The following LYPD1 variants were observed in gnomAD, a reference collection of about 807,000 sequenced individuals.
LYPD1 encodes ly6/PLAUR domain-containing protein 1.
In LYPD1, 14 loss-of-function variants were observed where a neutral mutation model predicts 14.2. The observed-to-expected ratio is 0.99, with a 90% CI of 0.65 to 1.54. The LOEUF is 1.54. Ranked by LOEUF, LYPD1 falls within the 40% of genes most tolerant of loss-of-function variation. LYPD1 has a pLI of 0.00. For synonymous variants in LYPD1, 85 were observed against 70.6 expected (o/e 1.20, Z -1.02); for missense variants, 165 against 175.7 (o/e 0.94, Z 0.34).
Position 132,645,034 on chromosome 2 carries a change from C to T in LYPD1, c.*1011G>A, listed in dbSNP as rs1131671. The T allele has an allele frequency of 0.48, 719,953 of 1,510,168 alleles. 172,964 individuals are homozygous for T. Among genetic ancestry groups the T allele is most frequent in the African/African-American group, 0.54 (38,889 of 71,962 alleles). 93.5% of individuals were successfully genotyped at this position (1,510,168 alleles called of 1,614,324 possible). ...GGGCTAAATATTTTATGGTTTTATT[C>T]ATTTACTGTGTTCTCATGCTGTGTT... On this transcript the variant is annotated 3_prime_UTR_variant, in exon 3 of 3. Transcript: ENST00000397463.
chr2:132,654,740 CATTTATTTATTTATTT>C (rs67623007), intron 2 of LYPD1, among the ~76,000 whole-genome samples: 1 of 149,784 alleles, frequency 6.7e-6, no homozygotes, highest in South Asian at 2.2e-4. Context: ...GCCTCTTTCC[CATTTATTTATTTATTT>C]ATTTATTTAT....
chr2:132,655,546 GCT>G (rs970703374), intron 2 of LYPD1, among the ~76,000 whole-genome samples: 14 of 118,296 alleles, frequency 1.2e-4, no homozygotes, highest in African/African-American at 5.3e-4. Context: ...ATGGAGTCTC[GCT>G]CTGTCGCCCA....
rs565010669 is a variant in LYPD1 at position 132,650,187 on chromosome 2, G to A, written c.191-3907C>T. On this transcript the variant is annotated intron_variant, in intron 2 of 2. Transcript: ENST00000397463. ...AATGAACAGACAGTTCACAGAAAAC[G>A]CAACAGAGCTTTGAAACACATGAAA... Among the ~76,000 whole-genome samples the A allele has an allele frequency of 3.9e-5, 6 of 152,172 alleles. No homozygotes were observed. The South Asian group carries it at 8.3e-4, about 21-fold the overall frequency.
In LYPD1 at chr2:132,670,078, AGCCGCAG is replaced by A; in HGVS notation, c.-153_-147del. 2 of 1,489,810 alleles carry A rather than the reference AGCCGCAG, an allele frequency of 1.3e-6. No individual in the cohort carries two copies. Among genetic ancestry groups the A allele is most frequent in the Non-Finnish European group, 1.8e-6 (2 of 1,127,798 alleles). The allele number at this position is 1,489,810 out of a possible 1,614,324, so 92.3% of individuals were successfully genotyped here. A position where few individuals can be genotyped will look rare whatever the true frequency, so the allele number is the denominator to read the frequency against. Reference sequence around the variant, plus strand: ...GGAGACGACGGTCGTAGCTTAGAGGAGCCGCAGGTGCCGCTCGCGGAGCCTGCATCGC... The same window carrying A: ...GGAGACGACGGTCGTAGCTTAGAGGAGTGCCGCTCGCGGAGCCTGCATCGC... On this transcript the variant is annotated 5_prime_UTR_variant, in exon 1 of 3. The change creates a premature stop within an existing upstream ORF in the 5' untranslated region. Transcript: ENST00000397463. This position sits in a 1 kb window ranked among gnomAD's most constrained non-coding sequence, Gnocchi z 4.5.
chr2:132,668,659 G>A, intron 1 of LYPD1, 122 bp from the exon 2 acceptor site: 4 of 1,359,048 alleles, frequency 2.9e-6, no homozygotes, highest in Admixed American at 5.8e-5. Flanking sequence ...GACCACTCCT[G>A]GGTCTCCGGG....
rs530196423 is a variant in LYPD1, at chr2:132,645,395, G to A, written c.*650C>T. On this transcript the variant is annotated 3_prime_UTR_variant, in exon 3 of 3. Transcript: ENST00000397463. ...GTACATGCGCACTCCACCACCGACA[G>A]CGCCCGCTTTGTGCAGCGCCCGTTG... The A allele has an allele frequency of 6.2e-7, 1 of 1,613,716 alleles. No individual in the cohort carries two copies. The highest frequency in any genetic ancestry group is 1.1e-5 in the South Asian group (1 of 91,062).
intron 2 of LYPD1, among the ~76,000 whole-genome samples, chr2:132,664,688 G>A (rs1683169284): frequency 6.6e-6 from 1 of 152,148 alleles, no homozygotes. Context: ...TTTACTAAGG[G>A]AAGAAATTGG....
chr2:132,644,765 ATGGATAACATGAACTGCTTTC>A lies in LYPD1; in HGVS notation c.*1259_*1279del. 3.9e-6 allele frequency: 1 copy of A among 256,506 alleles called. No individual in the cohort carries two copies. The highest frequency in any genetic ancestry group is 8.4e-5 in the South Asian group (1 of 11,916). The allele number at this position is 256,506 out of a possible 1,614,324, so 15.9% of individuals were successfully genotyped here. ...AACAAAAAAAGACAAAACCAGATTTATGGATAACATGAACTGCTTTCTGGATACGCAAACAAACACCAATGA... is the reference window on the plus strand; with the variant it reads ...AACAAAAAAAGACAAAACCAGATTTATGGATACGCAAACAAACACCAATGA... On this transcript the variant is annotated 3_prime_UTR_variant, in exon 3 of 3. Transcript: ENST00000397463.
intron 2 of LYPD1, chr2:132,646,647 AG>A (rs1464207316): frequency 5.4e-6 from 1 of 183,878 alleles, no homozygotes; most frequent in Non-Finnish European, 1.1e-5. Flanking sequence ...CATGCCAGTG[AG>A]GCCCACAAGC....
upstream of LYPD1, chr2:132,670,222 G>C: frequency 4.5e-6 from 4 of 891,682 alleles, no homozygotes; most frequent in Non-Finnish European, 6.0e-6. The surrounding 1 kb of genome is among the most constrained non-coding windows in gnomAD (Gnocchi z 4.5). Flanking sequence ...TGGCGATCGG[G>C]AGCACCCACA....
intron 2 of LYPD1, among the ~76,000 whole-genome samples, chr2:132,667,657 C>T (rs1225239914): frequency 6.6e-6 from 1 of 152,154 alleles, no homozygotes. Context: ...ACCTATTCTC[C>T]CAAAGTTCCA....
chr2:132,664,112 T>TACAGGAATAAAGGGACTATG (rs1683128916), intron 2 of LYPD1, among the ~76,000 whole-genome samples: 1 of 151,946 alleles, frequency 6.6e-6, no homozygotes, highest in Non-Finnish European at 1.5e-5. Context: ...CTCAAAAGAA[T>TACAGGAATAAAGGGACTATG]ACAGGAATAA....
At chr2:132,649,112 C>T (rs1245300972) in intron 2 of LYPD1, among the ~76,000 whole-genome samples, 1 of 152,146 alleles carries the variant, frequency 6.6e-6, no homozygotes, top group Non-Finnish European at 1.5e-5. Flanking sequence ...TATGGAGGAG[C>T]TAGCTTTGGA....
chr2:132,650,857 G>A (rs552653242), intron 2 of LYPD1, among the ~76,000 whole-genome samples: 2 of 152,214 alleles, frequency 1.3e-5, no homozygotes, highest in South Asian at 2.1e-4. Context: ...CATTTTGCAA[G>A]TGGGGAAACT....
At chr2:132,666,300 C>G (rs1683268036) in intron 2 of LYPD1, among the ~76,000 whole-genome samples, 1 of 151,472 alleles carries the variant, frequency 6.6e-6, no homozygotes, top group Admixed American at 6.6e-5. Context: ...AGGTATAAGG[C>G]CCCCCTGGAC....
chr2:132,663,431 G>A (rs1363318407), intron 2 of LYPD1, among the ~76,000 whole-genome samples: 1 of 152,010 alleles, frequency 6.6e-6, no homozygotes, highest in Non-Finnish European at 1.5e-5. Context: ...GTGCCACCAC[G>A]CCCAGCTAAT....
chr2:132,645,248 T>A lies in LYPD1; in HGVS notation c.*797A>T, dbSNP rs747057923. The stretch of plus-strand genomic sequence containing the variant: ...CCCTTCTCGGAGACGTTTTTCTACC[T>A]CAGCTCGGTCATCAACCCGCTCCTG... On this transcript the variant is annotated 3_prime_UTR_variant, in exon 3 of 3. Transcript: ENST00000397463. 6.2e-7 allele frequency: 1 copy of A among 1,614,132 alleles called. No homozygotes were observed. Among genetic ancestry groups the A allele is most frequent in the South Asian group, 1.1e-5 (1 of 91,068 alleles).
At chr2:132,668,618 G>C in intron 1 of LYPD1, 81 bp from the exon 2 acceptor site, 3 of 1,551,698 alleles carry the variant, frequency 1.9e-6, no homozygotes, top group Non-Finnish European at 1.7e-6. Flanking sequence ...ACGCCTCAGA[G>C]CCAGGCGGCT....
At position 132,644,805 on chromosome 2, in the gene LYPD1, C is replaced by T. The variant is rs1681962989; in HGVS notation, c.*1240G>A. The stretch of plus-strand genomic sequence containing the variant: ...TGCTTTCTGGATACGCAAACAAACA[C>T]CAATGAAAACATTTTTTTAAAATTA... On this transcript the variant is annotated 3_prime_UTR_variant, in exon 3 of 3. Coordinates refer to ENST00000397463, the MANE Select transcript of LYPD1 (RefSeq NM_144586.7). 3 of 357,282 alleles carry T rather than the reference C, an allele frequency of 8.4e-6. No homozygotes were observed. The highest frequency in any genetic ancestry group is 1.0e-5 in the Non-Finnish European group (2 of 199,238). 22.1% of individuals were successfully genotyped at this position (357,282 alleles called of 1,614,324 possible). A position where few individuals can be genotyped will look rare whatever the true frequency, so the allele number is the denominator to read the frequency against.
Sources: gnomAD v4.1 joint callset for allele counts (sites outside exome capture counted in the v4.1 genomes callset) on GRCh38, gnomAD v4.1.1 for gene constraint, Gnocchi (gnomAD v3.1) non-coding constraint, MANE v1.5 for transcripts, NCBI Gene and HGNC (gene_info 2026-07-23, HGNC 2026-07-21) for gene names.